The following RUNX1 variants were observed in gnomAD, a reference collection of about 807,000 sequenced individuals.
RUNX1 encodes the protein RUNX family transcription factor 1, also known as runt-related transcription factor 1.
A neutral mutation model predicts 42.8 loss-of-function variants in RUNX1; 19 were observed. The ratio of observed to expected loss-of-function variants is 0.44; its 90% CI spans 0.31 to 0.65. The LOEUF is 0.65. RUNX1 is among the 30% of genes least tolerant of loss of function. The pLI, the probability that RUNX1 is intolerant of heterozygous loss-of-function variation, is 0.07. For missense variants in RUNX1, 528 were observed against 672.0 expected, an observed-to-expected ratio of 0.79 and a Z score of 2.37; for synonymous variants, 271 against 289.4, an observed-to-expected ratio of 0.94 and a Z score of 0.64.
intron 5 of RUNX1, among the ~76,000 whole-genome samples, chr21:34,872,977 G>C (rs921489312): frequency 6.6e-6 from 1 of 152,192 alleles, no homozygotes; most frequent in Non-Finnish European, 1.5e-5. Context: ...GTTTCAGATA[G>C]AATAATGAAG....
At chr21:34,967,171 T>C (rs1251872824) in intron 2 of RUNX1, among the ~76,000 whole-genome samples, 1 of 150,240 alleles carries the variant, frequency 6.7e-6, no homozygotes, top group East Asian at 2.0e-4. Context: ...ATACAAAAAA[T>C]TAGCCAGGCA....
intron 6 of RUNX1, among the ~76,000 whole-genome samples, chr21:34,842,377 C>T (rs2057249824): frequency 6.6e-6 from 1 of 151,186 alleles, no homozygotes; most frequent in Non-Finnish European, 1.5e-5. Flanking sequence ...CACCTGTAGT[C>T]CCAGCTACTT....
At chr21:34,804,391 T>C (rs2056650569) in intron 7 of RUNX1, among the ~76,000 whole-genome samples, 1 of 152,156 alleles carries the variant, frequency 6.6e-6, no homozygotes, top group Non-Finnish European at 1.5e-5. Flanking sequence ...ACAGATGACA[T>C]GGGAGACAAA....
chr21:35,029,589 G>T (rs1277253446), intron 2 of RUNX1, among the ~76,000 whole-genome samples: 2 of 152,254 alleles, frequency 1.3e-5, no homozygotes, highest in Middle Eastern at 3.4e-3. Context: ...ATGCTTCCTA[G>T]TGTTCCTAGC....
intron 8 of RUNX1, among the ~76,000 whole-genome samples, chr21:34,795,490 T>TA (rs1382485844): frequency 6.6e-6 from 1 of 152,172 alleles, no homozygotes; most frequent in Non-Finnish European, 1.5e-5. Context: ...AATTAAAGTT[T>TA]ATAGAAACAG....
At chr21:34,944,010 CT>C (rs925756234) in intron 2 of RUNX1, among the ~76,000 whole-genome samples, 2 of 151,870 alleles carry the variant, frequency 1.3e-5, no homozygotes, top group South Asian at 2.1e-4. Flanking sequence ...GCCCTCAAGA[CT>C]TTTTTTTACT....
rs539040085 is a variant in RUNX1, at chr21:34,884,014, G to A, written c.351+2829C>T. Among the ~76,000 whole-genome samples, 11 of 152,304 alleles carry A rather than the reference G, an allele frequency of 7.2e-5. No individual in the cohort carries two copies. In the East Asian group the frequency reaches 1.5e-3, roughly 21 times the overall value. On this transcript the variant is annotated intron_variant, in intron 4 of 8. Transcript: ENST00000675419. ...CTCCGAACTTCCCTGCTGAAGGCAC[G>A]TTTACGTCTTTGGACTCTGGTGTAC... is the stretch of plus-strand genomic sequence containing the variant.
At chr21:35,037,273 G>C (rs2059315447) in intron 2 of RUNX1, among the ~76,000 whole-genome samples, 1 of 152,222 alleles carries the variant, frequency 6.6e-6, no homozygotes. Context: ...GAACAAGTTT[G>C]AGCACCCCTG....
chr21:34,935,853 A>C (rs2058480953), intron 2 of RUNX1, among the ~76,000 whole-genome samples: 1 of 152,186 alleles, frequency 6.6e-6, no homozygotes, highest in Non-Finnish European at 1.5e-5. Context: ...CTAGAGCTAT[A>C]GTTTTCCTCC....
rs2056908376 is a variant in RUNX1, at chr21:34,821,557, G to A, written c.805+12853C>T. On this transcript the variant is annotated intron_variant, in intron 7 of 8. Transcript: ENST00000675419. ...ACCCACATTCTGCCTTCCTCATAAC[G>A]TGCATTCTGAGGGCTGTCATCTTTC... 1.5e-5 allele frequency: 23 copies of A among 1,539,236 alleles called. No individual in the cohort carries two copies. In the South Asian group the frequency reaches 1.9e-4, roughly 13 times the overall value.
chr21:34,895,587 G>A (rs1167101670), intron 2 of RUNX1, among the ~76,000 whole-genome samples: 1 of 152,136 alleles, frequency 6.6e-6, no homozygotes, highest in African/African-American at 2.4e-5. Flanking sequence ...GGGGTTTAGG[G>A]AGGTGACGGT....
intron 2 of RUNX1, among the ~76,000 whole-genome samples, chr21:34,969,902 T>C (rs1405350914): frequency 6.6e-6 from 1 of 152,194 alleles, no homozygotes; most frequent in Non-Finnish European, 1.5e-5. Flanking sequence ...AGGATTGTTT[T>C]ATGTGGGATA....
chr21:34,864,164 C>T (rs768434946), intron 5 of RUNX1, among the ~76,000 whole-genome samples: 6 of 152,240 alleles, frequency 3.9e-5, no homozygotes, highest in South Asian at 2.1e-4. Flanking sequence ...CACCCCATGG[C>T]GGCTGGGACA....
intron 2 of RUNX1, among the ~76,000 whole-genome samples, chr21:34,926,311 CA>C (rs937788036): frequency 2.1e-4 from 32 of 150,714 alleles, no homozygotes; most frequent in Non-Finnish European, 3.4e-4. Flanking sequence ...CCCATCTCTA[CA>C]AAAAAATACA....
At chr21:34,967,451 T>C (rs1219986929) in intron 2 of RUNX1, among the ~76,000 whole-genome samples, 1 of 148,222 alleles carries the variant, frequency 6.7e-6, no homozygotes. Context: ...CACGTCAGTG[T>C]CACGGGGGAG....
In RUNX1 at chr21:34,975,265, C is replaced by T. The variant is rs2058792955; in HGVS notation, c.58+73577G>A. ...GGATATTATGAAGATACATATTTGGCTTCATAAAGAAGCTCTGCTCTGCTT... is the reference window on the plus strand; with the variant it reads ...GGATATTATGAAGATACATATTTGGTTTCATAAAGAAGCTCTGCTCTGCTT... On this transcript the variant is annotated intron_variant, in intron 2 of 8. Transcript: ENST00000675419. 2.6e-5 allele frequency among the ~76,000 whole-genome samples: 4 copies of T among 152,328 alleles called. No homozygotes were observed. In the South Asian group the frequency reaches 8.3e-4, roughly 32 times the overall value.
At chr21:34,977,491 ACTC>A (rs368039717) in intron 2 of RUNX1, among the ~76,000 whole-genome samples, 213 of 152,216 alleles carry the variant, frequency 1.4e-3, no homozygotes, top group African/African-American at 4.8e-3. Context: ...TCACTCCAAG[ACTC>A]CTATCAGCCA....
intron 7 of RUNX1, among the ~76,000 whole-genome samples, chr21:34,808,210 T>C (rs1041000848): frequency 1.3e-5 from 2 of 152,228 alleles, no homozygotes; most frequent in Non-Finnish European, 2.9e-5. Flanking sequence ...TGGTTAGTCA[T>C]GTGTAGCTCA....
At chr21:34,889,742 G>C (rs2058055910) in intron 3 of RUNX1, 3 of 1,174,124 alleles carry the variant, frequency 2.6e-6, no homozygotes, top group South Asian at 2.0e-5. Context: ...GGGCATTTTC[G>C]CGGAGCTCGG....
Sources: allele counts gnomAD v4.1 joint callset (sites outside exome capture counted in the v4.1 genomes callset), GRCh38; gene constraint gnomAD v4.1.1; transcripts MANE v1.5; gene names NCBI Gene and HGNC (gene_info 2026-07-23, HGNC 2026-07-21).